Variants in NOTCH2NLR observed in about 807,000 individuals in gnomAD.
The protein encoded by NOTCH2NLR is notch 2 N-terminal like R (pseudogene).
A neutral mutation model predicts 35.6 loss-of-function variants in NOTCH2NLR; 33 were observed. The observed-to-expected ratio is 0.93, with a 90% CI of 0.70 to 1.24. NOTCH2NLR has a LOEUF of 1.24. Ranked by LOEUF, NOTCH2NLR falls within the 50% of genes most tolerant of loss-of-function variation. NOTCH2NLR has a pLI of 0.00. For missense variants in NOTCH2NLR, 276 were observed against 362.2 expected, an observed-to-expected ratio of 0.76 and a Z score of 1.93; for synonymous variants, 103 against 141.0, an observed-to-expected ratio of 0.73 and a Z score of 1.91.
chr1:120,768,567 C>T (rs1651220282), intron 2 of NOTCH2NLR, among the ~76,000 whole-genome samples: 1 of 109,686 alleles, frequency 9.1e-6, no homozygotes, highest in Non-Finnish European at 1.7e-5. Flanking sequence ...CTTGCACACT[C>T]TTCCTCTTCT....
rs1486880921 is a variant in NOTCH2NLR at position 120,724,004 on chromosome 1, G to A, written c.-174G>A. 5.7e-6 allele frequency: 7 copies of A among 1,220,890 alleles called. 2 individuals carry two copies. The highest frequency in any genetic ancestry group is 3.2e-5 in the East Asian group (1 of 31,552). 75.6% of individuals were successfully genotyped at this position (1,220,890 alleles called of 1,614,324 possible). A position where few individuals can be genotyped will look rare whatever the true frequency, so the allele number is the denominator to read the frequency against. On this transcript the variant is annotated 5_prime_UTR_variant, in exon 1 of 5. Transcript: ENST00000624419. ...GAGGAGCGGCGGACTCGGGGCGCGG[G>A]GAGTCGAGGCATTTGCACCTGGGCT...
rs1263305801 is a variant in NOTCH2NLR at position 120,765,780 on chromosome 1, C to A, written c.155+2071C>A. Among the ~76,000 whole-genome samples, 2 of 127,864 alleles carry A rather than the reference C, an allele frequency of 1.6e-5. 1 individual carries two copies. The highest frequency in any genetic ancestry group is 3.3e-5 in the Non-Finnish European group (2 of 61,090). The allele number at this position is 127,864 out of a possible 152,430, so 83.9% of individuals were successfully genotyped here. A position where few individuals can be genotyped will look rare whatever the true frequency, so the allele number is the denominator to read the frequency against. On this transcript the variant is annotated intron_variant, in intron 2 of 4. Coordinates refer to ENST00000624419, the Ensembl canonical transcript of NOTCH2NLR. ...ATAAAGAAAATGTGGCATGTATACACGATGGAATACTATGCAGCCATAAAA... is the reference window on the plus strand; with the variant it reads ...ATAAAGAAAATGTGGCATGTATACAAGATGGAATACTATGCAGCCATAAAA...
chr1:120,792,432 T>C lies in NOTCH2NLR; in HGVS notation c.416-729T>C, dbSNP rs1651501922. Among the ~76,000 whole-genome samples, 6 of 90,100 alleles carry C rather than the reference T, an allele frequency of 6.7e-5. 2 individuals are homozygous for C. The highest frequency in any genetic ancestry group is 6.6e-4 in the Admixed American group (6 of 9,080). The allele number at this position is 90,100 out of a possible 152,430, so 59.1% of individuals were successfully genotyped here. ...GTATGTGAGGGGCACTAAGGATGAC[T>C]TTACAGAGGTTGGAACTTTTGAGTA... On this transcript the variant is annotated intron_variant, in intron 3 of 4. Coordinates refer to ENST00000624419, the Ensembl canonical transcript of NOTCH2NLR.
Position 120,726,230 on chromosome 1 carries a change from CAAGTT to C in NOTCH2NLR, c.73+1981_73+1985del, listed in dbSNP as rs1313131152. Among the ~76,000 whole-genome samples, 3 of 79,058 alleles carry C rather than the reference CAAGTT, an allele frequency of 3.8e-5. 1 individual carries two copies. The highest frequency in any genetic ancestry group is 6.8e-5 in the Non-Finnish European group (3 of 44,236). 51.9% of individuals were successfully genotyped at this position (79,058 alleles called of 152,430 possible). A position where few individuals can be genotyped will look rare whatever the true frequency, so the allele number is the denominator to read the frequency against. On this transcript the variant is annotated intron_variant, in intron 1 of 4. Transcript: ENST00000624419. ...GATTATTAGCTAGCTTTTAGGTAGT[CAAGTT>C]GAGTGTTAGTCAAGTTGACTCAAAG... is the stretch of plus-strand genomic sequence containing the variant.
In NOTCH2NLR at chr1:120,728,788, T is replaced by C. The variant is rs1252987599; in HGVS notation, c.73+4538T>C. ...AAACTTGTACTGGATTGAGAGAATATGTACATTTAGTAAAGTATATTTGCT... is the reference window on the plus strand; with the variant it reads ...AAACTTGTACTGGATTGAGAGAATACGTACATTTAGTAAAGTATATTTGCT... On this transcript the variant is annotated intron_variant, in intron 1 of 4. Coordinates refer to ENST00000624419, the Ensembl canonical transcript of NOTCH2NLR. Among the ~76,000 whole-genome samples, 24 of 116,386 alleles carry C rather than the reference T, an allele frequency of 2.1e-4. 2 individuals are homozygous for C. In the East Asian group the frequency reaches 4.9e-3, roughly 24 times the overall value. 76.4% of individuals were successfully genotyped at this position (116,386 alleles called of 152,430 possible). A position where few individuals can be genotyped will look rare whatever the true frequency, so the allele number is the denominator to read the frequency against.
chr1:120,750,486 T>A (rs1651010930), intron 1 of NOTCH2NLR, among the ~76,000 whole-genome samples: 1 of 107,138 alleles, frequency 9.3e-6, no homozygotes, highest in Non-Finnish European at 1.7e-5. Context: ...TAATCCTAAA[T>A]ATATTCTGTG....
rs1344118463 is a variant in NOTCH2NLR at position 120,742,374 on chromosome 1, C to T, written c.73+18124C>T. On this transcript the variant is annotated intron_variant, in intron 1 of 4. Transcript: ENST00000624419. The stretch of plus-strand genomic sequence containing the variant: ...GTGTGTGTTGGGAGGAGGAATAGAC[C>T]TTGGAATTGTTTTTTCAAAACTTTT... 1.4e-4 allele frequency among the ~76,000 whole-genome samples: 3 copies of T among 21,238 alleles called. 1 individual carries two copies. Among genetic ancestry groups the T allele is most frequent in the Non-Finnish European group, 2.2e-4 (3 of 13,926 alleles). The allele number at this position is 21,238 out of a possible 152,430, so 13.9% of individuals were successfully genotyped here.
At chr1:120,754,961 A>T in intron 1 of NOTCH2NLR, among the ~76,000 whole-genome samples, 1 of 127,866 alleles carries the variant, frequency 7.8e-6, no homozygotes, top group East Asian at 2.1e-4. Context: ...GGTTGGGTTT[A>T]TTCATAGGTT....
intron 2 of NOTCH2NLR, among the ~76,000 whole-genome samples, chr1:120,778,457 T>C (rs1346723310): frequency 2.7e-5 from 3 of 111,550 alleles, no homozygotes; most frequent in Non-Finnish European, 5.0e-5. Flanking sequence ...GACTTTTTTT[T>C]CCCCTTCGTT....
intron 1 of NOTCH2NLR, among the ~76,000 whole-genome samples, chr1:120,751,630 TCTTTCCTTTC>T (rs1325355267): frequency 3.4e-5 from 2 of 59,612 alleles, no homozygotes; most frequent in Non-Finnish European, 7.8e-5. Flanking sequence ...TCTTCCCTTT[TCTTTCCTTTC>T]CTTTCCTTTC....
rs1243195210 is a variant in NOTCH2NLR at position 120,768,210 on chromosome 1, C to G, written c.155+4501C>G. On this transcript the variant is annotated intron_variant, in intron 2 of 4. Coordinates refer to ENST00000624419, the Ensembl canonical transcript of NOTCH2NLR. ...TTAGTCATGGGATAGGGCTCTTATT[C>G]CCAAGATGGGACCCTTCTAGGGGTT... 4.5e-4 allele frequency among the ~76,000 whole-genome samples: 51 copies of G among 114,436 alleles called. 19 individuals are homozygous for G. Among genetic ancestry groups the G allele is most frequent in the African/African-American group, 2.5e-3 (47 of 18,982 alleles). 75.1% of individuals were successfully genotyped at this position (114,436 alleles called of 152,430 possible).
At chr1:120,725,173 AATC>A (rs1459670203) in intron 1 of NOTCH2NLR, among the ~76,000 whole-genome samples, 1 of 74,588 alleles carries the variant, frequency 1.3e-5, no homozygotes, top group Non-Finnish European at 2.3e-5. Flanking sequence ...AAGGGAATCA[AATC>A]ATATCTTCCC....
Position 120,761,157 on chromosome 1 carries a change from A to G in NOTCH2NLR, c.74-2471A>G, listed in dbSNP as rs1651133082. ...TTATTTGCTAGATTGATTGCTACAT[A>G]TTGACTTTGGGTTGCTTGTATTTCT... On this transcript the variant is annotated intron_variant, in intron 1 of 4. Coordinates refer to ENST00000624419, the Ensembl canonical transcript of NOTCH2NLR. 1.6e-5 allele frequency among the ~76,000 whole-genome samples: 2 copies of G among 125,762 alleles called. 1 individual carries two copies. Among genetic ancestry groups the G allele is most frequent in the Non-Finnish European group, 3.3e-5 (2 of 61,222 alleles). The allele number at this position is 125,762 out of a possible 152,430, so 82.5% of individuals were successfully genotyped here.
At chr1:120,764,793 G>T (rs1651171807) in intron 2 of NOTCH2NLR, among the ~76,000 whole-genome samples, 1 of 102,762 alleles carries the variant, frequency 9.7e-6, no homozygotes, top group African/African-American at 5.5e-5. Flanking sequence ...AATAAAATTT[G>T]GTAATATGAA....
At position 120,785,028 on chromosome 1, in the gene NOTCH2NLR, G is replaced by A; in HGVS notation, c.210G>A (p.Lys70=). The stretch of plus-strand genomic sequence containing the variant: ...GTCAACATCGAGACCCCTGTGAGAA[G>A]AACCGCTGCCAGAATGGTGGGACTT... The change falls in exon 3 of 5, where the codon AAG becomes AAA. Residue 70 remains lysine (K), a synonymous_variant. Transcript: ENST00000624419. 2.1e-6 allele frequency: 3 copies of A among 1,437,118 alleles called. 1 individual carries two copies. The highest frequency in any genetic ancestry group is 9.3e-7 in the Non-Finnish European group (1 of 1,074,540). The allele number at this position is 1,437,118 out of a possible 1,614,324, so 89.0% of individuals were successfully genotyped here. A position where few individuals can be genotyped will look rare whatever the true frequency, so the allele number is the denominator to read the frequency against.
intron 1 of NOTCH2NLR, among the ~76,000 whole-genome samples, chr1:120,730,721 T>G (rs1429090686): frequency 0.67 from 39,647 of 59,502 alleles, 16,365 homozygotes; most frequent in African/African-American, 0.72. Context: ...AGGAATTATT[T>G]TATTAATTTG....
intron 1 of NOTCH2NLR, among the ~76,000 whole-genome samples, 185 bp downstream of exon 1, chr1:120,724,435 A>T (rs1195083387): frequency 1.7e-5 from 2 of 120,166 alleles, no homozygotes; most frequent in Non-Finnish European, 3.3e-5. Context: ...TGCCCCGCCA[A>T]CCGCTGGGGT....
rs1310862933 is a variant in NOTCH2NLR, at chr1:120,792,530, C to T, written c.416-631C>T. Among the ~76,000 whole-genome samples the T allele has an allele frequency of 4.5e-5, 5 of 111,440 alleles. 1 individual carries two copies. The highest frequency in any genetic ancestry group is 2.1e-4 in the African/African-American group (4 of 19,064). The allele number at this position is 111,440 out of a possible 152,430, so 73.1% of individuals were successfully genotyped here. A position where few individuals can be genotyped will look rare whatever the true frequency, so the allele number is the denominator to read the frequency against. On this transcript the variant is annotated intron_variant, in intron 3 of 4. Transcript: ENST00000624419. ...GATTTTTTTTTTTTTGAAATAGAGT[C>T]TTGCTGTGTCGCCCAGGCTGGAGTG...
chr1:120,790,156 C>A (rs1651468299), intron 3 of NOTCH2NLR, among the ~76,000 whole-genome samples: 1 of 100,226 alleles, frequency 1.0e-5, no homozygotes, highest in African/African-American at 6.8e-5. Flanking sequence ...GCTGGGACTA[C>A]AGGCACCTAC....
Sources: gnomAD v4.1 joint callset for allele counts (sites outside exome capture counted in the v4.1 genomes callset) on GRCh38, gnomAD v4.1.1 for gene constraint, MANE v1.5 for transcripts, NCBI Gene and HGNC (gene_info 2026-07-23, HGNC 2026-07-21) for gene names.